Variants in PPP2R2B observed in about 807,000 individuals in gnomAD.
PPP2R2B encodes the protein protein phosphatase 2 regulatory subunit Bbeta, also known as serine/threonine-protein phosphatase 2A 55 kDa regulatory subunit B beta isoform.
A neutral mutation model predicts 46.0 loss-of-function variants in PPP2R2B; 5 were observed. The ratio of observed to expected loss-of-function variants is 0.11; its 90% CI spans 0.06 to 0.23. The LOEUF is 0.23. Among genes scored for constraint, PPP2R2B ranks in the 10% least tolerant of loss-of-function variants. The probability of loss-of-function intolerance (pLI) is 1.00; values close to 1 mark genes in which losing one functional copy is unlikely to be tolerated. For missense variants in PPP2R2B, 367 were observed against 575.0 expected, an observed-to-expected ratio of 0.64 and a Z score of 3.70; for synonymous variants, 215 against 206.7, an observed-to-expected ratio of 1.04 and a Z score of -0.34.
At chr5:146,668,716 C>T (rs1232042153) in intron 5 of PPP2R2B, among the ~76,000 whole-genome samples, 1 of 152,156 alleles carries the variant, frequency 6.6e-6, no homozygotes. Context: ...AGTTTTCTCC[C>T]CACATGTCCC....
chr5:146,598,517 C>CTGTGGATAT (rs1181690690), intron 8 of PPP2R2B, among the ~76,000 whole-genome samples: 1 of 152,186 alleles, frequency 6.6e-6, no homozygotes, highest in Non-Finnish European at 1.5e-5. Context: ...TCCAGACTCA[C>CTGTGGATAT]ATTGAAGTGT....
intron 2 of PPP2R2B, among the ~76,000 whole-genome samples, chr5:146,761,942 T>C (rs1015332323): frequency 4.6e-5 from 7 of 152,120 alleles, no homozygotes; most frequent in Non-Finnish European, 1.0e-4. Flanking sequence ...GCAGAGTGTA[T>C]GTGGGAATGA....
intron 1 of PPP2R2B, among the ~76,000 whole-genome samples, chr5:147,022,622 G>A (rs1371509212): frequency 6.6e-6 from 1 of 151,848 alleles, no homozygotes; most frequent in African/African-American, 2.4e-5. Flanking sequence ...AATAAAATTT[G>A]CTTAGGATAA....
chr5:146,787,457 A>G (rs2151290204), intron 2 of PPP2R2B, among the ~76,000 whole-genome samples: 1 of 152,210 alleles, frequency 6.6e-6, no homozygotes, highest in Non-Finnish European at 1.5e-5. Flanking sequence ...TTCTGTAGGG[A>G]GAGTTCAGAT....
chr5:147,009,514 TA>T (rs1218941117), intron 1 of PPP2R2B, among the ~76,000 whole-genome samples: 2 of 152,078 alleles, frequency 1.3e-5, no homozygotes, highest in Non-Finnish European at 2.9e-5. Flanking sequence ...TATACAGTTT[TA>T]AAAATAATAA....
chr5:146,659,422 G>A (rs1194624776), intron 5 of PPP2R2B, among the ~76,000 whole-genome samples: 1 of 152,130 alleles, frequency 6.6e-6, no homozygotes. Flanking sequence ...GTGGACTTGG[G>A]CTTGGATCCT....
At chr5:146,756,392 T>C (rs1753831321) in intron 2 of PPP2R2B, among the ~76,000 whole-genome samples, 1 of 152,170 alleles carries the variant, frequency 6.6e-6, no homozygotes, top group South Asian at 2.1e-4. Context: ...GAAATAATGA[T>C]ACTGCATGCT....
At chr5:146,628,438 A>G (rs1157531481) in intron 7 of PPP2R2B, among the ~76,000 whole-genome samples, 1 of 152,164 alleles carries the variant, frequency 6.6e-6, no homozygotes, top group Non-Finnish European at 1.5e-5. Context: ...CAGGCAGTGG[A>G]CTTGCTGGTA....
intron 1 of PPP2R2B, among the ~76,000 whole-genome samples, chr5:147,022,482 C>T (rs369735278): frequency 5.9e-5 from 9 of 151,492 alleles, no homozygotes; most frequent in Non-Finnish European, 1.2e-4. Context: ...ATCGCTTGAA[C>T]GTAGGAAGTG....
chr5:146,602,693 A>G (rs1771896276), intron 7 of PPP2R2B, among the ~76,000 whole-genome samples: 1 of 152,230 alleles, frequency 6.6e-6, no homozygotes, highest in African/African-American at 2.4e-5. Context: ...TAATTTTCAC[A>G]GAACCATTGA....
At chr5:146,980,028 T>A (rs1487253911) in intron 1 of PPP2R2B, among the ~76,000 whole-genome samples, 1 of 152,308 alleles carries the variant, frequency 6.6e-6, no homozygotes, top group South Asian at 2.1e-4. Context: ...CTTCGAGATA[T>A]CCACAAAATT....
rs373639616 is a variant in PPP2R2B at position 146,969,405 on chromosome 5, G to A, written c.79+86260C>T. Among the ~76,000 whole-genome samples the A allele has an allele frequency of 3.5e-3, 534 of 152,260 alleles. 6 individuals carry two copies. Among genetic ancestry groups the A allele is most frequent in the African/African-American group, 0.012 (495 of 41,550 alleles). ...AAGGTGGTCACATCAGATAAAATTG[G>A]GGGGAGGAGAGTACAAAGCCAGGAC... On this transcript the variant is annotated intron_variant, in intron 1 of 8. Coordinates refer to the PPP2R2B transcript ENST00000336640.
chr5:146,694,273 C>T (rs777741220), intron 4 of PPP2R2B, among the ~76,000 whole-genome samples: 35 of 152,152 alleles, frequency 2.3e-4, no homozygotes, highest in Non-Finnish European at 5.0e-4. Flanking sequence ...CCCTGGCTTG[C>T]GCTGGAGCGA....
chr5:147,076,765 T>C (rs1390158764), intron 2 of PPP2R2B, among the ~76,000 whole-genome samples: 2 of 152,154 alleles, frequency 1.3e-5, no homozygotes, highest in African/African-American at 4.8e-5. Flanking sequence ...TTTACTCTTC[T>C]GGGCCATGCT....
intron 1 of PPP2R2B, among the ~76,000 whole-genome samples, chr5:146,907,518 G>A (rs951386279): frequency 3.3e-5 from 5 of 152,186 alleles, no homozygotes; most frequent in African/African-American, 1.2e-4. Flanking sequence ...GCATCTCTGT[G>A]CTGCCTGGTC....
chr5:147,041,504 C>A (rs184781841), intron 1 of PPP2R2B, among the ~76,000 whole-genome samples: 82 of 152,224 alleles, frequency 5.4e-4, no homozygotes, highest in African/African-American at 1.8e-3. Context: ...AGTTTCCATA[C>A]CCTGAACTAG....
intron 2 of PPP2R2B, among the ~76,000 whole-genome samples, chr5:146,808,325 C>T (rs1757314302): frequency 6.6e-6 from 1 of 152,198 alleles, no homozygotes; most frequent in Non-Finnish European, 1.5e-5. Context: ...TTGAATAGCA[C>T]AGATATAGAA....
At chr5:146,784,592 T>C (rs1356349344) in intron 2 of PPP2R2B, among the ~76,000 whole-genome samples, 1 of 152,204 alleles carries the variant, frequency 6.6e-6, no homozygotes, top group Non-Finnish European at 1.5e-5. Flanking sequence ...ATATACAATC[T>C]GTAATGTATA....
At chr5:146,845,502 C>T (rs375234124) in intron 2 of PPP2R2B, among the ~76,000 whole-genome samples, 1 of 152,006 alleles carries the variant, frequency 6.6e-6, no homozygotes, top group African/African-American at 2.4e-5. Flanking sequence ...ATCCGCCCGC[C>T]TCGGCCTCCT....
Sources: gnomAD v4.1 joint callset for allele counts (sites outside exome capture counted in the v4.1 genomes callset) on GRCh38, gnomAD v4.1.1 for gene constraint, MANE v1.5 for transcripts, NCBI Gene and HGNC (gene_info 2026-07-23, HGNC 2026-07-21) for gene names.